Variants in FBN2 observed in about 807,000 individuals in gnomAD.
FBN2 encodes fibrillin 2, also known as fibrillin-2.
Under a neutral mutation model 355.6 loss-of-function variants are expected in FBN2, and 105 were observed. That is an observed-to-expected ratio of 0.30 (90% CI 0.25 to 0.35). The LOEUF is 0.35. Among genes scored for constraint, FBN2 ranks in the 10% least tolerant of loss-of-function variants. The pLI is 1.00. For missense variants in FBN2, 3,280 were observed against 3,758.7 expected (o/e 0.87, Z 3.33); for synonymous variants, 1,350 against 1,301.2 (o/e 1.04, Z -0.81).
chr5:128,388,226 T>C (rs553566807), intron 11 of FBN2, among the ~76,000 whole-genome samples: 2 of 152,360 alleles, frequency 1.3e-5, no homozygotes, highest in Admixed American at 6.5e-5. Flanking sequence ...TTTGAGTCTA[T>C]GGATGTCACT....
intron 5 of FBN2, among the ~76,000 whole-genome samples, chr5:128,481,255 T>C (rs1242848060): frequency 1.3e-5 from 2 of 152,222 alleles, no homozygotes; most frequent in East Asian, 3.9e-4. Context: ...TATCCAGTTC[T>C]GTGGTCTGTA....
intron 11 of FBN2, among the ~76,000 whole-genome samples, chr5:128,380,270 C>T (rs112816294): frequency 1.3e-5 from 2 of 152,036 alleles, no homozygotes; most frequent in African/African-American, 4.8e-5. Context: ...TGAAATACCA[C>T]CTTCAGTTCG....
intron 25 of FBN2, among the ~76,000 whole-genome samples, chr5:128,342,031 C>A (rs2126908551): frequency 6.6e-6 from 1 of 152,114 alleles, no homozygotes; most frequent in African/African-American, 2.4e-5. Flanking sequence ...AAAGAAAGAT[C>A]AAAACAAAGA....
chr5:128,410,550 A>G (rs1753036113), intron 7 of FBN2, among the ~76,000 whole-genome samples: 1 of 152,240 alleles, frequency 6.6e-6, no homozygotes, highest in African/African-American at 2.4e-5. Flanking sequence ...TTAAACATTA[A>G]GAGACTCAAC....
intron 4 of FBN2, among the ~76,000 whole-genome samples, chr5:128,527,259 T>G (rs1756586651): frequency 6.6e-6 from 1 of 152,172 alleles, no homozygotes; most frequent in Non-Finnish European, 1.5e-5. Flanking sequence ...ATCCTTACAC[T>G]CTTGCTAAAA....
At chr5:128,516,962 T>C (rs1432283514) in intron 5 of FBN2, among the ~76,000 whole-genome samples, 1 of 152,178 alleles carries the variant, frequency 6.6e-6, no homozygotes, top group Non-Finnish European at 1.5e-5. Flanking sequence ...TTGAAAGAAA[T>C]GAAGCTTTAG....
intron 1 of FBN2, 102 bp from the exon 2 acceptor site, chr5:128,536,586 A>C: frequency 1.2e-6 from 1 of 812,484 alleles, no homozygotes; most frequent in South Asian, 1.4e-5. Flanking sequence ...ATTTCAGGAC[A>C]ACAAACAAAT....
intron 7 of FBN2, among the ~76,000 whole-genome samples, chr5:128,443,435 C>G (rs2127051224): frequency 6.6e-6 from 1 of 152,216 alleles, no homozygotes; most frequent in South Asian, 2.1e-4. Flanking sequence ...TTGTTTGGAG[C>G]CTACTAAACT....
At chr5:128,466,950 A>G (rs1202891437) in intron 5 of FBN2, among the ~76,000 whole-genome samples, 1 of 152,218 alleles carries the variant, frequency 6.6e-6, no homozygotes, top group African/African-American at 2.4e-5. Flanking sequence ...AGTTATATCA[A>G]GTTCTGAATA....
At chr5:128,454,649 T>C (rs1182906117) in intron 6 of FBN2, among the ~76,000 whole-genome samples, 1 of 152,212 alleles carries the variant, frequency 6.6e-6, no homozygotes, top group East Asian at 1.9e-4. Flanking sequence ...AGTCCTCTAC[T>C]CTCTCACATG....
At chr5:128,268,896 G>C (rs1230938190) in intron 62 of FBN2, among the ~76,000 whole-genome samples, 1 of 152,166 alleles carries the variant, frequency 6.6e-6, no homozygotes, top group Non-Finnish European at 1.5e-5. Flanking sequence ...AGCTATTTAT[G>C]ACAAACCCAC....
chr5:128,501,615 T>C (rs1393014010), intron 5 of FBN2, among the ~76,000 whole-genome samples: 29 of 152,286 alleles, frequency 1.9e-4, no homozygotes, highest in Admixed American at 1.7e-3. Flanking sequence ...GATTTCTTTG[T>C]ATTACAAAGC....
chr5:128,406,461 C>T (rs1217689521), intron 8 of FBN2, among the ~76,000 whole-genome samples: 1 of 152,176 alleles, frequency 6.6e-6, no homozygotes, highest in East Asian at 1.9e-4. Context: ...TAGAGAACTT[C>T]CACCTGTTCA....
chr5:128,360,594 T>C (rs1751614495), intron 19 of FBN2, among the ~76,000 whole-genome samples: 1 of 151,990 alleles, frequency 6.6e-6, no homozygotes, highest in Admixed American at 6.5e-5. Context: ...TACTGTTTTT[T>C]AGTGGCCCCT....
chr5:128,450,545 T>C (rs772914798), intron 6 of FBN2, among the ~76,000 whole-genome samples: 25 of 152,102 alleles, frequency 1.6e-4, no homozygotes, highest in Non-Finnish European at 2.4e-4. Context: ...AAGTGGTGCT[T>C]AGAGGTAAAT....
chr5:128,300,260 C>T (rs941360501), intron 48 of FBN2, among the ~76,000 whole-genome samples: 9 of 152,194 alleles, frequency 5.9e-5, no homozygotes, highest in Admixed American at 1.3e-4. Context: ...TAAAAAAGGT[C>T]GGACTTCATC....
chr5:128,501,948 C>T (rs1391282411), intron 5 of FBN2, among the ~76,000 whole-genome samples: 1 of 152,024 alleles, frequency 6.6e-6, no homozygotes, highest in African/African-American at 2.4e-5. Flanking sequence ...GAACATTTCT[C>T]CAAAATTAAG....
chr5:128,263,345 C>T (rs73341377), intron 63 of FBN2, 80 bp downstream of exon 63: 2 of 1,082,590 alleles, frequency 1.8e-6, no homozygotes, highest in African/African-American at 3.1e-5. Context: ...ACACTGTACT[C>T]TTCCCTGCAG....
At position 128,305,746 on chromosome 5, in the gene FBN2, A is replaced by G. The variant is rs1749852613; in HGVS notation, c.5548+77T>C. 9.4e-6 allele frequency: 15 copies of G among 1,600,378 alleles called. No homozygotes were observed. In the South Asian group the frequency reaches 1.7e-4, roughly 18 times the overall value. ...CTTGAAAAATTGTAGAAGAAATAGT[A>G]AAAATCAGAAACCATCTAAATGCTA... On this transcript the variant is annotated intron_variant, in intron 43 of 64. Transcript: ENST00000262464.
Sources: gnomAD v4.1 joint callset for allele counts (sites outside exome capture counted in the v4.1 genomes callset) on GRCh38, gnomAD v4.1.1 for gene constraint, MANE v1.5 for transcripts, NCBI Gene and HGNC (gene_info 2026-07-23, HGNC 2026-07-21) for gene names.